Variants in CRYAB observed in about 807,000 individuals in gnomAD.
CRYAB encodes crystallin alpha B, also known as alpha-crystallin B chain.
In CRYAB, 9 loss-of-function variants were observed where a neutral mutation model predicts 12.7. That is an observed-to-expected ratio of 0.71 (90% CI 0.43 to 1.24). The LOEUF (loss-of-function observed/expected upper bound fraction) is 1.24. Ranked by LOEUF, CRYAB falls within the 50% of genes most tolerant of loss-of-function variation. CRYAB has a pLI of 0.00. For missense variants in CRYAB, 183 were observed against 226.6 expected (o/e 0.81, Z 1.24); for synonymous variants, 93 against 86.8 (o/e 1.07, Z -0.40).
chr11:111,913,756 C>T, upstream of CRYAB: 3 of 1,614,194 alleles, frequency 1.9e-6, no homozygotes, highest in Non-Finnish European at 2.5e-6. Flanking sequence ...GCTGCTCTCT[C>T]CCATGATGGC....
chr11:111,917,054 G>A (rs1432820813), upstream of CRYAB, among the ~76,000 whole-genome samples: 3 of 151,930 alleles, frequency 2.0e-5, no homozygotes, highest in African/African-American at 7.3e-5. Flanking sequence ...AGAGATGATG[G>A]GTTGTTGCTA....
chr11:111,912,773 C>G, upstream of CRYAB: 1 of 1,315,836 alleles, frequency 7.6e-7, no homozygotes, highest in Non-Finnish European at 1.0e-6. Context: ...CTGGAGGGGT[C>G]GCGCTGCGCC....
chr11:111,918,539 G>GA, intron 1 of CRYAB: 1 of 461,854 alleles, frequency 2.2e-6, no homozygotes, highest in African/African-American at 1.9e-5. Context: ...CCTCGAAAGT[G>GA]AAACTCAGTT....
chr11:111,920,341 G>A (rs1335465398), intron 1 of CRYAB, among the ~76,000 whole-genome samples: 1 of 151,830 alleles, frequency 6.6e-6, no homozygotes, highest in African/African-American at 2.4e-5. Context: ...TTCAAGACCA[G>A]CCTGGCCAAC....
At chr11:111,912,293 T>C, upstream of CRYAB, 1 of 187,732 alleles carries the variant, frequency 5.3e-6, no homozygotes, top group Non-Finnish European at 1.1e-5. Flanking sequence ...TGGGTTGACC[T>C]GGGTTTAGGA....
rs530440362 is a variant in CRYAB at position 111,911,372 on chromosome 11, G to A, written c.201+152C>T. 1.5e-4 allele frequency: 104 copies of A among 713,708 alleles called. No homozygotes were observed. The African/African-American group carries it at 1.5e-3, about 11-fold the overall frequency. 44.2% of individuals were successfully genotyped at this position (713,708 alleles called of 1,614,324 possible). A position where few individuals can be genotyped will look rare whatever the true frequency, so the allele number is the denominator to read the frequency against. On this transcript the variant is annotated intron_variant, in intron 1 of 2. Transcript: ENST00000650687. Reference sequence around the variant, plus strand: ...TATCAAATAGAAACAGGTGATGGGGGAGGAAGGCACTAGCAACCTCCTCAT... The same window carrying A: ...TATCAAATAGAAACAGGTGATGGGGAAGGAAGGCACTAGCAACCTCCTCAT...
At chr11:111,909,071 G>T in intron 2 of CRYAB, 104 bp from the exon 3 acceptor site, 2 of 1,141,448 alleles carry the variant, frequency 1.8e-6, no homozygotes, top group East Asian at 2.4e-5. Flanking sequence ...GAGACCAAAT[G>T]CCATGACAAC....
At chr11:111,911,256 A>C (rs1555165504) in intron 1 of CRYAB, among the ~76,000 whole-genome samples, 5 of 152,198 alleles carry the variant, frequency 3.3e-5, no homozygotes, top group Non-Finnish European at 7.4e-5. Context: ...TCATGAACCA[A>C]ACCAGAAAGG....
upstream of CRYAB, chr11:111,912,681 T>TCCCCC: frequency 4.4e-6 from 1 of 228,612 alleles, no homozygotes; most frequent in African/African-American, 3.0e-5. Flanking sequence ...TCCCAGCCCC[T>TCCCCC]CCCCCCCCAA....
chr11:111,912,451 GA>G, upstream of CRYAB: 1 of 295,752 alleles, frequency 3.4e-6, no homozygotes, highest in Non-Finnish European at 6.4e-6. Context: ...CCGAAGAGGA[GA>G]AAATGAGGTG....
chr11:111,909,709 TAGACAAACCAAGTAGTTC>T, intron 2 of CRYAB: 1 of 201,930 alleles, frequency 5.0e-6, no homozygotes, highest in Non-Finnish European at 1.0e-5. Context: ...CTCTGAAATT[TAGACAAACCAAGTAGTTC>T]AGCATTAAGA....
chr11:111,923,568 A>C (rs1965735110), intron 1 of CRYAB: 1 of 152,252 alleles, frequency 6.6e-6, no homozygotes, highest in South Asian at 2.1e-4. Flanking sequence ...CTATTTCCTC[A>C]GTCAGTGTTG....
chr11:111,910,720 G>C, intron 1 of CRYAB: 1 of 514,144 alleles, frequency 1.9e-6, no homozygotes, highest in East Asian at 3.6e-5. Context: ...GCAAGGATGG[G>C]TGCAAGCCTG....
upstream of CRYAB, chr11:111,913,822 AG>A: frequency 6.2e-7 from 1 of 1,614,158 alleles, no homozygotes; most frequent in Non-Finnish European, 8.5e-7. Context: ...GAGGTCAATG[AG>A]GTCTACATCT....
upstream of CRYAB, among the ~76,000 whole-genome samples, chr11:111,916,613 C>T (rs587608941): frequency 1.3e-5 from 2 of 152,330 alleles, no homozygotes; most frequent in African/African-American, 4.8e-5. Context: ...CTTTTGACAA[C>T]GTAACTTGAA....
intron 2 of CRYAB, 84 bp from the exon 3 acceptor site, chr11:111,909,051 C>G: frequency 7.1e-7 from 1 of 1,411,452 alleles, no homozygotes; most frequent in Non-Finnish European, 1.0e-6. Context: ...ATCCTGATTT[C>G]CCCTTAGGTG....
At chr11:111,912,845 G>A (rs2137387792), upstream of CRYAB, 3 of 1,605,610 alleles carry the variant, frequency 1.9e-6, no homozygotes, top group Middle Eastern at 2.0e-4. Context: ...GGGCCGCTCA[G>A]TGCCACATGC....
At chr11:111,914,357 G>A (rs1965564539), upstream of CRYAB, among the ~76,000 whole-genome samples, 1 of 152,188 alleles carries the variant, frequency 6.6e-6, no homozygotes. Context: ...CAGCCCAGAG[G>A]GCACTGTCTG....
upstream of CRYAB, among the ~76,000 whole-genome samples, chr11:111,915,901 C>G (rs1340131148): frequency 3.9e-5 from 6 of 152,082 alleles, no homozygotes; most frequent in Non-Finnish European, 8.8e-5. Context: ...TGCCACCACG[C>G]CTGGCTAATT....
Sources: allele counts gnomAD v4.1 joint callset (sites outside exome capture counted in the v4.1 genomes callset), GRCh38; gene constraint gnomAD v4.1.1; transcripts MANE v1.5; gene names NCBI Gene and HGNC (gene_info 2026-07-23, HGNC 2026-07-21).